The following LMBR1 variants were observed in gnomAD, a reference collection of about 807,000 sequenced individuals.
LMBR1 encodes limb region 1 protein homolog.
A neutral mutation model predicts 73.9 loss-of-function variants in LMBR1; 52 were observed. The observed-to-expected ratio is 0.70, with a 90% confidence interval of 0.56 to 0.89. The LOEUF is 0.89. Among genes scored for constraint, LMBR1 ranks in the 40% least tolerant of loss-of-function variants. LMBR1 has a pLI of 0.00. For missense variants in LMBR1, 539 were observed against 579.8 expected (o/e 0.93, Z 0.72); for synonymous variants, 215 against 209.4 (o/e 1.03, Z -0.23).
intron 2 of LMBR1, among the ~76,000 whole-genome samples, chr7:156,834,777 C>T (rs1837304171): frequency 6.6e-6 from 1 of 151,726 alleles, no homozygotes; most frequent in African/African-American, 2.4e-5. Context: ...CTCTCCTTCT[C>T]GCTCATGCCT....
intron 15 of LMBR1, among the ~76,000 whole-genome samples, chr7:156,709,689 G>T (rs1305872310): frequency 6.6e-6 from 1 of 152,006 alleles, no homozygotes; most frequent in Non-Finnish European, 1.5e-5. Flanking sequence ...TCACCCAGTG[G>T]AACAAAAGAA....
chr7:156,764,890 C>A (rs936998917), intron 5 of LMBR1, among the ~76,000 whole-genome samples: 4 of 152,104 alleles, frequency 2.6e-5, no homozygotes, highest in African/African-American at 9.7e-5. Flanking sequence ...GGTGAAGTGA[C>A]TTTTTCTTAC....
Position 156,833,758 on chromosome 7 carries a change from C to A in LMBR1, c.174G>T (p.Arg58Ser). The part of the protein sequence containing the change: ...EQEDEDAIVN[R>S]ISLFLSTFTL... ...CTGAACTTTAAAATACATACGAAAT[C>A]CTGTTGACGATGGCATCTTCATCTT... is the stretch of plus-strand genomic sequence containing the variant. The change falls in exon 3 of 17, where the codon AGG (arginine) becomes AGT (serine). Residue 58 changes from arginine (R) to serine (S), a missense_variant. Transcript: ENST00000353442. The A allele has an allele frequency of 6.3e-7, 1 of 1,598,760 alleles. No individual in the cohort carries two copies. The highest frequency in any genetic ancestry group is 8.5e-7 in the Non-Finnish European group (1 of 1,172,408).
In LMBR1 at chr7:156,679,924, TG is replaced by T. The variant is rs1390220356; in HGVS notation, c.*4153del. ...TTTTCCTAATTAAAGAACACAGAAT[TG>T]GAAGTTAAATAACTTCTCTTGAAAA... On this transcript the variant is annotated 3_prime_UTR_variant, in exon 17 of 17. Coordinates refer to ENST00000353442, the MANE Select transcript of LMBR1 (RefSeq NM_022458.4). 1 of 152,246 alleles carries T rather than the reference TG, an allele frequency of 6.6e-6. No individual in the cohort carries two copies. Among genetic ancestry groups the T allele is most frequent in the Non-Finnish European group, 1.5e-5 (1 of 68,048 alleles). 9.4% of individuals were successfully genotyped at this position (152,246 alleles called of 1,614,324 possible).
Position 156,678,747 on chromosome 7 carries a change from G to A in LMBR1, c.*5331C>T, listed in dbSNP as rs1321364490. 6.6e-6 allele frequency: 1 copy of A among 152,154 alleles called. No homozygotes were observed. Among genetic ancestry groups the A allele is most frequent in the East Asian group, 1.9e-4 (1 of 5,184 alleles). The allele number at this position is 152,154 out of a possible 1,614,324, so 9.4% of individuals were successfully genotyped here. On this transcript the variant is annotated 3_prime_UTR_variant, in exon 17 of 17. Transcript: ENST00000353442. ...TGGCCATTCCTCCCTTATTTTAACA[G>A]GTTGGAACCCACTTGTCTGACAGTC...
chr7:156,748,942 T>C (rs148554172), intron 9 of LMBR1, among the ~76,000 whole-genome samples: 1 of 152,306 alleles, frequency 6.6e-6, no homozygotes, highest in Non-Finnish European at 1.5e-5. Flanking sequence ...CATTTCATCT[T>C]GCAAAAAAAT....
chr7:156,774,689 G>A lies in LMBR1; in HGVS notation c.424-10894C>T, dbSNP rs1033539822. Among the ~76,000 whole-genome samples the A allele has an allele frequency of 7.1e-4, 108 of 152,146 alleles. 4 individuals carry two copies. The highest frequency in any genetic ancestry group is 3.4e-3 in the Middle Eastern group (1 of 294). On this transcript the variant is annotated intron_variant, in intron 5 of 16. Coordinates refer to ENST00000353442, the MANE Select transcript of LMBR1 (RefSeq NM_022458.4). Reference sequence around the variant, plus strand: ...TCTACTAAAAATACACAAATTAGCCGGGCGTGGTGGCGGGCACCTGTAGTC... The same window carrying A: ...TCTACTAAAAATACACAAATTAGCCAGGCGTGGTGGCGGGCACCTGTAGTC...
chr7:156,754,531 CTG>C, intron 9 of LMBR1, among the ~76,000 whole-genome samples: 1 of 151,584 alleles, frequency 6.6e-6, no homozygotes, highest in Non-Finnish European at 1.5e-5. Flanking sequence ...GCCAGCAACT[CTG>C]TGATCAATCA....
chr7:156,776,205 T>C (rs1325154035), intron 5 of LMBR1, among the ~76,000 whole-genome samples: 1 of 151,850 alleles, frequency 6.6e-6, no homozygotes, highest in Non-Finnish European at 1.5e-5. Context: ...ACTATTACCT[T>C]TGTCTCTGAA....
intron 10 of LMBR1, among the ~76,000 whole-genome samples, chr7:156,730,422 T>G (rs1302248845): frequency 6.6e-6 from 1 of 152,198 alleles, no homozygotes; most frequent in Middle Eastern, 3.2e-3. Flanking sequence ...TGAAAAGCTA[T>G]ATCCTAGTAT....
chr7:156,681,130 C>T lies in LMBR1; in HGVS notation c.*2948G>A, dbSNP rs777769323. ...AATTCTGCCTTTATGCATTAAATAACGTGCTACCAACAAAACTAGCACATA... is the reference window on the plus strand; with the variant it reads ...AATTCTGCCTTTATGCATTAAATAATGTGCTACCAACAAAACTAGCACATA... On this transcript the variant is annotated 3_prime_UTR_variant, in exon 17 of 17. Coordinates refer to ENST00000353442, the MANE Select transcript of LMBR1 (RefSeq NM_022458.4). The T allele has an allele frequency of 2.1e-5, 9 of 436,502 alleles. No individual in the cohort carries two copies. The highest frequency in any genetic ancestry group is 3.6e-5 in the Non-Finnish European group (8 of 220,790). 27.0% of individuals were successfully genotyped at this position (436,502 alleles called of 1,614,324 possible).
chr7:156,677,359 G>A (rs1804260352), downstream of LMBR1, among the ~76,000 whole-genome samples: 1 of 152,152 alleles, frequency 6.6e-6, no homozygotes, highest in Non-Finnish European at 1.5e-5. Flanking sequence ...TTTCTGAGGT[G>A]TCCAACCCAT....
intron 4 of LMBR1, among the ~76,000 whole-genome samples, chr7:156,806,139 T>C (rs1832023021): frequency 6.6e-6 from 1 of 151,842 alleles, no homozygotes; most frequent in South Asian, 2.1e-4. Context: ...AGTATCTGTC[T>C]CCACTTATTG....
At chr7:156,860,530 C>T (rs565465162) in intron 1 of LMBR1, among the ~76,000 whole-genome samples, 260 of 152,234 alleles carry the variant, frequency 1.7e-3, no homozygotes, top group African/African-American at 5.8e-3. Context: ...ATCTAATGTC[C>T]TCATATTTCA....
At chr7:156,819,582 C>G (rs762419571) in intron 4 of LMBR1, among the ~76,000 whole-genome samples, 6 of 152,086 alleles carry the variant, frequency 3.9e-5, no homozygotes, top group Admixed American at 2.6e-4. Flanking sequence ...TCACAGAATC[C>G]CATAAATGTC....
chr7:156,712,790 A>G (rs1381238522), intron 15 of LMBR1, among the ~76,000 whole-genome samples: 1 of 152,226 alleles, frequency 6.6e-6, no homozygotes, highest in South Asian at 2.1e-4. Flanking sequence ...TCAATTATAG[A>G]TGGGAGCCAA....
chr7:156,838,527 T>C (rs868195624), intron 1 of LMBR1, among the ~76,000 whole-genome samples: 1 of 152,230 alleles, frequency 6.6e-6, no homozygotes, highest in Non-Finnish European at 1.5e-5. Flanking sequence ...GGTTCATCCA[T>C]CTTGCTGCAA....
chr7:156,848,017 A>T (rs1795735356), intron 1 of LMBR1, among the ~76,000 whole-genome samples: 1 of 152,132 alleles, frequency 6.6e-6, no homozygotes, highest in Admixed American at 6.6e-5. Flanking sequence ...GAATCAAGAT[A>T]TCCTTCAATA....
chr7:156,763,944 T>G lies in LMBR1; in HGVS notation c.424-149A>C, dbSNP rs1018089698. On this transcript the variant is annotated intron_variant, in intron 5 of 16. Transcript: ENST00000353442. Reference sequence around the variant, plus strand: ...GGAAAAAAACACTAGGTACTTATGGTTTACAATGTTTAGACTGACTTTTCA... The same window carrying G: ...GGAAAAAAACACTAGGTACTTATGGGTTACAATGTTTAGACTGACTTTTCA... The G allele has an allele frequency of 8.4e-5, 44 of 521,634 alleles. No homozygotes were observed. The highest frequency in any genetic ancestry group is 1.3e-4 in the Non-Finnish European group (42 of 317,658). The allele number at this position is 521,634 out of a possible 1,614,324, so 32.3% of individuals were successfully genotyped here.
Sources: allele counts gnomAD v4.1 joint callset (sites outside exome capture counted in the v4.1 genomes callset), GRCh38; gene constraint gnomAD v4.1.1; transcripts MANE v1.5; gene names NCBI Gene and HGNC (gene_info 2026-07-23, HGNC 2026-07-21).